KCNT2: variants seen among roughly 807,000 people sequenced by gnomAD.
KCNT2 encodes potassium sodium-activated channel subfamily T member 2, also known as potassium channel subfamily T member 2.
KCNT2 carries 67 observed loss-of-function variants against 153.8 expected under a neutral mutation model. The ratio of observed to expected loss-of-function variants is 0.44; its 90% CI spans 0.36 to 0.53. The LOEUF (loss-of-function observed/expected upper bound fraction) is 0.53. KCNT2 is among the 20% of genes least tolerant of loss of function. KCNT2 has a pLI of 0.00. For missense variants in KCNT2, 975 were observed against 1,354.8 expected (o/e 0.72, Z 4.40); for synonymous variants, 500 against 458.8 (o/e 1.09, Z -1.15).
chr1:196,519,945 A>G (rs995046112), intron 1 of KCNT2, among the ~76,000 whole-genome samples: 1 of 152,146 alleles, frequency 6.6e-6, no homozygotes, highest in African/African-American at 2.4e-5. Flanking sequence ...AGCTCATTCT[A>G]TGAGGCCAGG....
chr1:196,253,918 T>G lies in KCNT2; in HGVS notation c.3211+4276A>C, dbSNP rs374049854. Among the ~76,000 whole-genome samples the G allele has an allele frequency of 3.3e-5, 5 of 151,686 alleles. No individual in the cohort carries two copies. In the East Asian group the frequency reaches 9.6e-4, roughly 29 times the overall value. On this transcript the variant is annotated intron_variant, in intron 26 of 27. Transcript: ENST00000294725. ...TACACATGTGCCAAAACACAGCACT[T>G]GAATTTCCAGTTGTAAAGATTAAAT...
At chr1:196,315,744 C>T (rs1662648633) in intron 21 of KCNT2, 148 bp downstream of exon 21, 2 of 676,066 alleles carry the variant, frequency 3.0e-6, no homozygotes, top group Non-Finnish European at 2.4e-6. Context: ...GCCAGTCATG[C>T]TCAATAAACA....
At chr1:196,452,450 C>T (rs935714551) in intron 8 of KCNT2, among the ~76,000 whole-genome samples, 12 of 151,960 alleles carry the variant, frequency 7.9e-5, no homozygotes, top group Admixed American at 5.3e-4. Flanking sequence ...CACTAACTCT[C>T]CTATATGGTC....
chr1:196,414,441 A>G (rs1432989072), intron 12 of KCNT2, among the ~76,000 whole-genome samples: 2 of 151,778 alleles, frequency 1.3e-5, no homozygotes, highest in African/African-American at 4.8e-5. Flanking sequence ...TATTCTTGGA[A>G]TTGAGGCTAT....
chr1:196,536,951 G>T (rs1655666245), intron 1 of KCNT2, among the ~76,000 whole-genome samples: 1 of 152,158 alleles, frequency 6.6e-6, no homozygotes. Context: ...CTATATCAAT[G>T]AATTCTATAG....
chr1:196,578,891 T>G (rs1661689730), intron 1 of KCNT2, among the ~76,000 whole-genome samples: 1 of 152,144 alleles, frequency 6.6e-6, no homozygotes, highest in African/African-American at 2.4e-5. Context: ...TAGAGTTTAT[T>G]ATAAAGACTT....
At chr1:196,268,977 A>T (rs113098870) in intron 25 of KCNT2, among the ~76,000 whole-genome samples, 1,672 of 152,136 alleles carry the variant, frequency 0.011, 35 homozygotes, top group African/African-American at 0.036. Flanking sequence ...TCTAGGTAAA[A>T]AATAATAATA....
chr1:196,566,627 A>G (rs796337853), intron 1 of KCNT2, among the ~76,000 whole-genome samples: 46 of 152,190 alleles, frequency 3.0e-4, no homozygotes, highest in African/African-American at 1.1e-3. Context: ...TATGAAAACT[A>G]AATGGAAGTT....
intron 1 of KCNT2, among the ~76,000 whole-genome samples, chr1:196,576,055 A>G (rs1311235478): frequency 7.1e-6 from 1 of 141,728 alleles, no homozygotes; most frequent in African/African-American, 2.6e-5. Flanking sequence ...ATAAAATACT[A>G]GGCAGTGTGT....
chr1:196,485,779 C>A (rs1031422276), intron 3 of KCNT2, among the ~76,000 whole-genome samples: 9 of 151,772 alleles, frequency 5.9e-5, no homozygotes, highest in Admixed American at 5.3e-4. Context: ...AACTAGTGTT[C>A]AAACCCTCCT....
At chr1:196,450,729 C>T (rs1347707449) in intron 8 of KCNT2, among the ~76,000 whole-genome samples, 1 of 151,854 alleles carries the variant, frequency 6.6e-6, no homozygotes, top group East Asian at 2.0e-4. Context: ...ACCTCCCAGC[C>T]AGTATTTCTG....
chr1:196,316,666 G>T (rs1352114841), intron 20 of KCNT2, among the ~76,000 whole-genome samples: 1 of 151,518 alleles, frequency 6.6e-6, no homozygotes, highest in Non-Finnish European at 1.5e-5. Context: ...TCTTTGGCTG[G>T]ATGAAGTAAT....
At chr1:196,279,862 C>T (rs1658931374) in intron 25 of KCNT2, among the ~76,000 whole-genome samples, 1 of 151,398 alleles carries the variant, frequency 6.6e-6, no homozygotes, top group Non-Finnish European at 1.5e-5. Flanking sequence ...AAAAATCTAC[C>T]CCGTTATCTT....
At chr1:196,317,995 TA>T (rs1259567772) in intron 20 of KCNT2, among the ~76,000 whole-genome samples, 3 of 151,646 alleles carry the variant, frequency 2.0e-5, no homozygotes, top group Admixed American at 6.6e-5. Context: ...CTACTGCATT[TA>T]TTTTTTTTTT....
chr1:196,332,916 G>A (rs1207273578), intron 17 of KCNT2, among the ~76,000 whole-genome samples: 1 of 151,036 alleles, frequency 6.6e-6, no homozygotes, highest in Non-Finnish European at 1.5e-5. Context: ...TTCCAAGTAG[G>A]TAGGATTGCA....
chr1:196,439,730 C>A (rs189674889), intron 8 of KCNT2, among the ~76,000 whole-genome samples: 1 of 152,016 alleles, frequency 6.6e-6, no homozygotes, highest in Admixed American at 6.6e-5. Flanking sequence ...ATACCTGTAG[C>A]AAGCCATTTC....
chr1:196,329,922 T>C (rs1338566270), intron 18 of KCNT2, among the ~76,000 whole-genome samples: 84 of 130,498 alleles, frequency 6.4e-4, no homozygotes, highest in Admixed American at 1.7e-3. Context: ...TCTGGGCCCA[T>C]TGAAATGGAT....
At chr1:196,293,874 CA>C (rs1299043137) in intron 22 of KCNT2, among the ~76,000 whole-genome samples, 1 of 137,626 alleles carries the variant, frequency 7.3e-6, no homozygotes, top group African/African-American at 2.7e-5. Context: ...AAAAAAAAAA[CA>C]AAAAAACAAA....
At chr1:196,494,015 A>G (rs1032878144) in intron 1 of KCNT2, among the ~76,000 whole-genome samples, 1 of 152,214 alleles carries the variant, frequency 6.6e-6, no homozygotes. Flanking sequence ...ATCTTTTAGC[A>G]GAACATTTCC....
Sources: allele counts gnomAD v4.1 joint callset (sites outside exome capture counted in the v4.1 genomes callset), GRCh38; gene constraint gnomAD v4.1.1; transcripts MANE v1.5; gene names NCBI Gene and HGNC (gene_info 2026-07-23, HGNC 2026-07-21).